The following SYNE2 variants were observed in gnomAD, a reference collection of about 807,000 sequenced individuals.
SYNE2 encodes nesprin-2.
Under a neutral mutation model 856.3 loss-of-function variants are expected in SYNE2, and 431 were observed. The observed-to-expected ratio is 0.50, with a 90% CI of 0.47 to 0.55. The LOEUF (loss-of-function observed/expected upper bound fraction) is 0.55. Among genes scored for constraint, SYNE2 ranks in the 20% least tolerant of loss-of-function variants. The probability of loss-of-function intolerance (pLI) is 0.00; values close to 1 mark genes in which losing one functional copy is unlikely to be tolerated. For missense variants in SYNE2, 8,129 were observed against 8,023.2 expected (o/e 1.01, Z -0.50); for synonymous variants, 2,923 against 2,872.3 (o/e 1.02, Z -0.56).
At chr14:63,951,060 T>G (rs1449360635) in intron 7 of SYNE2, among the ~76,000 whole-genome samples, 2 of 152,012 alleles carry the variant, frequency 1.3e-5, no homozygotes, top group African/African-American at 4.8e-5. Flanking sequence ...TGGTAGACAA[T>G]TTACTTTTCC....
At chr14:64,098,643 TA>T in intron 62 of SYNE2, 103 bp from the exon 63 acceptor site, 1 of 1,202,600 alleles carries the variant, frequency 8.3e-7, no homozygotes, top group Non-Finnish European at 1.2e-6. Context: ...GCATCTTGGA[TA>T]AAGTAAGTAA....
At chr14:64,048,410 T>C (rs1343091482) in intron 46 of SYNE2, 1 of 306,974 alleles carries the variant, frequency 3.3e-6, no homozygotes, top group African/African-American at 2.1e-5. Context: ...GTGAGAAAAT[T>C]TGGAGATTTT....
intron 6 of SYNE2, 152 bp from the exon 7 acceptor site, chr14:63,949,673 G>C (rs928670102): frequency 2.5e-6 from 2 of 804,854 alleles, no homozygotes; most frequent in African/African-American, 1.7e-5. Flanking sequence ...GGCAGATGCT[G>C]TTATTCAAGG....
intron 80 of SYNE2, among the ~76,000 whole-genome samples, chr14:64,140,665 T>G (rs1052309514): frequency 5.9e-5 from 9 of 152,218 alleles, no homozygotes; most frequent in African/African-American, 2.2e-4. Flanking sequence ...GGTTATTAAC[T>G]TATAAATGTT....
At chr14:64,216,215 G>A (rs983168432) in intron 107 of SYNE2, 33 bp from the exon 108 acceptor site, 7 of 1,613,464 alleles carry the variant, frequency 4.3e-6, no homozygotes, top group Non-Finnish European at 5.9e-6. Flanking sequence ...CAGTAGGAGA[G>A]AATAGACTGT....
At chr14:63,957,461 G>T (rs1410919203) in intron 8 of SYNE2, among the ~76,000 whole-genome samples, 3 of 151,658 alleles carry the variant, frequency 2.0e-5, no homozygotes, top group Admixed American at 2.0e-4. Flanking sequence ...TAGAGATGGG[G>T]TTTTGCTATG....
In SYNE2 at chr14:64,177,364, G is replaced by C. The variant is rs772861855; in HGVS notation, c.17437G>C (p.Asp5813His). The C allele has an allele frequency of 6.2e-7, 1 of 1,614,000 alleles. No individual in the cohort carries two copies. The highest frequency in any genetic ancestry group is 1.3e-5 in the African/African-American group (1 of 74,900). Residue 5813 changes from aspartate (D) to histidine (H), a missense_variant, in exon 96 of 116, where the codon GAC becomes CAC. Transcript: ENST00000555002. ...KQFQSTVETW[D>H]QCEKKIKELK... ...TAATCTTGTTTTCAAATAGACCTGGGACCAGTGTGAAAAGAAAATCAAGGA... is the reference window on the plus strand; with the variant it reads ...TAATCTTGTTTTCAAATAGACCTGGCACCAGTGTGAAAAGAAAATCAAGGA...
chr14:64,093,380 A>G lies in SYNE2; in HGVS notation c.12008A>G (p.Glu4003Gly). Residue 4003 changes from glutamate (E) to glycine (G), a missense_variant, in exon 61 of 116, where the codon GAA becomes GGA. Physicochemically the swap from Glu to Gly is moderately conservative, Grantham distance 98. Around this residue, in one of 3 missense-constraint regions of SYNE2, gnomAD observed 5,410 missense variants for 5,284.8 expected, o/e 1.02. Coordinates refer to ENST00000555002, the MANE Select transcript of SYNE2 (RefSeq NM_182914.3). Reference sequence around the variant, plus strand: ...ATAAAACAGACCAATGAATGGGATGAAGAAATAGAAAATTTGAAACAGATC... The same window carrying G: ...ATAAAACAGACCAATGAATGGGATGGAGAAATAGAAAATTTGAAACAGATC... ...VVIKQTNEWD[E>G]EIENLKQILN... 6.2e-7 allele frequency: 1 copy of G among 1,614,126 alleles called. No homozygotes were observed. The highest frequency in any genetic ancestry group is 8.5e-7 in the Non-Finnish European group (1 of 1,179,952).
rs1168404182 is a variant in SYNE2 at position 63,909,901 on chromosome 14, T to C, written c.79+674T>C. ...TGTCCTGATAGGAAGAGAGGTAATA[T>C]TATAAATGAATGACCTTTCAGTCAT... is the stretch of plus-strand genomic sequence containing the variant. On this transcript the variant is annotated intron_variant, in intron 2 of 115. Transcript: ENST00000555002. Among the ~76,000 whole-genome samples the C allele has an allele frequency of 2.0e-5, 3 of 152,244 alleles. No individual in the cohort carries two copies. In the East Asian group the frequency reaches 5.8e-4, roughly 29 times the overall value.
At chr14:64,045,580 T>C (rs76133504) in intron 45 of SYNE2, among the ~76,000 whole-genome samples, 1 of 152,306 alleles carries the variant, frequency 6.6e-6, no homozygotes, top group East Asian at 1.9e-4. Context: ...TCTTTCTTCT[T>C]ACAGCCTTCC....
chr14:63,961,189 G>C (rs1444079000), intron 8 of SYNE2, among the ~76,000 whole-genome samples: 1 of 152,220 alleles, frequency 6.6e-6, no homozygotes, highest in Non-Finnish European at 1.5e-5. Flanking sequence ...TATGTGTCTA[G>C]AAAGAGGAAT....
intron 112 of SYNE2, among the ~76,000 whole-genome samples, chr14:64,222,706 A>C (rs1440192452): frequency 1.3e-5 from 2 of 152,158 alleles, no homozygotes; most frequent in Admixed American, 6.6e-5. Flanking sequence ...ACCCTGGGCG[A>C]CAGAGTGAGA....
chr14:63,976,762 C>T, intron 12 of SYNE2, 35 bp downstream of exon 12: 1 of 1,598,822 alleles, frequency 6.3e-7, no homozygotes, highest in Non-Finnish European at 8.6e-7. Flanking sequence ...TAGGAAAATA[C>T]ATATTTTGTT....
At chr14:63,977,717 G>C (rs973837200) in intron 12 of SYNE2, among the ~76,000 whole-genome samples, 188 bp from the exon 13 acceptor site, 2 of 152,000 alleles carry the variant, frequency 1.3e-5, no homozygotes, top group Non-Finnish European at 2.9e-5. Context: ...CTATGATCAT[G>C]CCACTGCACT....
intron 1 of SYNE2, among the ~76,000 whole-genome samples, chr14:63,807,804 A>C (rs1401790475): frequency 1.1e-5 from 1 of 90,764 alleles, no homozygotes; most frequent in Admixed American, 1.5e-4. Flanking sequence ...ACAGGCATGA[A>C]CTACTACTCC....
rs182079744 is a variant in SYNE2 at position 64,202,952 on chromosome 14, G to T, written c.18190G>T (p.Ala6064Ser). The T allele has an allele frequency of 4.3e-6, 7 of 1,614,020 alleles. No individual in the cohort carries two copies. The African/African-American group carries it at 5.3e-5, about 12-fold the overall frequency. The stretch of plus-strand genomic sequence containing the variant: ...TGATCAAGAGATCCAGAAGAGGCTC[G>T]CTGAGCAGCAGGTGGGACAATCAGA... ...CDDQEIQKRLAEQQDLQRDIE... is the reference protein window; with the variant it reads ...CDDQEIQKRLSEQQDLQRDIE... Residue 6064 changes from alanine (A) to serine (S), a missense_variant, in exon 100 of 116, where the codon GCT becomes TCT. Coordinates refer to ENST00000555002, the MANE Select transcript of SYNE2 (RefSeq NM_182914.3).
chr14:64,153,470 C>T (rs767041693), intron 85 of SYNE2, among the ~76,000 whole-genome samples: 2 of 152,164 alleles, frequency 1.3e-5, no homozygotes, highest in Non-Finnish European at 2.9e-5. Context: ...TGTGGGTTGT[C>T]ACCTACTAAA....
chr14:63,942,847 T>G (rs2095944222), intron 6 of SYNE2, among the ~76,000 whole-genome samples: 1 of 152,016 alleles, frequency 6.6e-6, no homozygotes, highest in African/African-American at 2.4e-5. Context: ...GCCAGGGTGG[T>G]CTCACATTCC....
At chr14:63,980,797 TG>T in intron 15 of SYNE2, 65 bp downstream of exon 15, 1 of 1,261,226 alleles carries the variant, frequency 7.9e-7, no homozygotes, top group South Asian at 1.3e-5. Context: ...TTATCTGTTG[TG>T]CTTTCTATAT....
Sources: gnomAD v4.1 joint callset for allele counts (sites outside exome capture counted in the v4.1 genomes callset) on GRCh38, gnomAD v4.1.1 for gene constraint, gnomAD v4.1.1 regional missense constraint, MANE v1.5 for transcripts, NCBI Gene and HGNC (gene_info 2026-07-23, HGNC 2026-07-21) for gene names.